The following EPHA7 variants were observed in gnomAD, a reference collection of about 807,000 sequenced individuals.
The protein encoded by EPHA7 is EPH receptor A7.
A neutral mutation model predicts 112.6 loss-of-function variants in EPHA7; 25 were observed. The ratio of observed to expected loss-of-function variants is 0.22; its 90% CI spans 0.16 to 0.31. EPHA7 has a LOEUF of 0.31. Ranked by LOEUF, EPHA7 falls within the 10% of genes least tolerant of loss-of-function variation. EPHA7 has a pLI of 1.00. For missense variants in EPHA7, 962 were observed against 1,212.6 expected, an observed-to-expected ratio of 0.79 and a Z score of 3.07; for synonymous variants, 437 against 406.5, an observed-to-expected ratio of 1.07 and a Z score of -0.90.
intron 5 of EPHA7, among the ~76,000 whole-genome samples, chr6:93,277,400 AAC>A (rs1298389142): frequency 1.3e-5 from 2 of 152,026 alleles, no homozygotes; most frequent in Admixed American, 6.6e-5. Context: ...AAAAATGCTA[AAC>A]ACATAATTTC....
chr6:93,302,704 C>T (rs1773050861), intron 5 of EPHA7, among the ~76,000 whole-genome samples: 1 of 152,086 alleles, frequency 6.6e-6, no homozygotes, highest in African/African-American at 2.4e-5. Context: ...TGACAAGCCT[C>T]AGGCAAGAGA....
At chr6:93,300,456 A>C (rs1392894769) in intron 5 of EPHA7, among the ~76,000 whole-genome samples, 1 of 152,204 alleles carries the variant, frequency 6.6e-6, no homozygotes, top group Admixed American at 6.5e-5. Context: ...ACATGCAGTA[A>C]GATTTAGGAC....
At chr6:93,411,215 A>T (rs757126912) in intron 2 of EPHA7, 45 bp from the exon 3 acceptor site, 5 of 1,534,698 alleles carry the variant, frequency 3.3e-6, no homozygotes, top group African/African-American at 1.4e-5. Flanking sequence ...GCAAAAAATA[A>T]CATTTTGCTT....
intron 5 of EPHA7, among the ~76,000 whole-genome samples, chr6:93,336,649 C>T (rs949985420): frequency 1.3e-5 from 2 of 151,994 alleles, no homozygotes; most frequent in Non-Finnish European, 1.5e-5. Flanking sequence ...GATCTGCCCG[C>T]CTTGGCCTCC....
intron 1 of EPHA7, 135 bp downstream of exon 1, chr6:93,419,110 A>T (rs1357617541): frequency 1.6e-6 from 1 of 609,970 alleles, no homozygotes. Flanking sequence ...CTCAGCGGTG[A>T]GGGGGCGGGG....
At chr6:93,296,594 A>C (rs1168888873) in intron 5 of EPHA7, among the ~76,000 whole-genome samples, 1 of 151,456 alleles carries the variant, frequency 6.6e-6, no homozygotes, top group Non-Finnish European at 1.5e-5. Context: ...AGCCAGGTAC[A>C]TAAAGAAAAA....
intron 5 of EPHA7, among the ~76,000 whole-genome samples, chr6:93,346,458 GTT>G (rs1775410867): frequency 6.6e-6 from 1 of 151,742 alleles, no homozygotes. Flanking sequence ...CAGGTAACTG[GTT>G]TCAGTCAAGG....
intron 14 of EPHA7, among the ~76,000 whole-genome samples, chr6:93,252,779 T>C (rs1306161811): frequency 6.6e-6 from 1 of 151,850 alleles, no homozygotes; most frequent in Non-Finnish European, 1.5e-5. Flanking sequence ...GTGACCAAAT[T>C]TATTAATTAT....
chr6:93,305,923 C>A (rs1773233964), intron 5 of EPHA7, among the ~76,000 whole-genome samples: 1 of 151,774 alleles, frequency 6.6e-6, no homozygotes, highest in Non-Finnish European at 1.5e-5. Flanking sequence ...CAGTACTTAC[C>A]TAGAAACTCC....
At chr6:93,251,579 A>G (rs1264654243) in intron 14 of EPHA7, among the ~76,000 whole-genome samples, 1 of 150,368 alleles carries the variant, frequency 6.7e-6, no homozygotes, top group Non-Finnish European at 1.5e-5. Context: ...CTTATATTAC[A>G]ATACATTAAA....
At chr6:93,290,660 G>T (rs1025631145) in intron 5 of EPHA7, among the ~76,000 whole-genome samples, 2 of 151,858 alleles carry the variant, frequency 1.3e-5, no homozygotes, top group African/African-American at 2.4e-5. Context: ...GATCTCTTTT[G>T]CTTAAACCAT....
At chr6:93,390,678 T>C (rs895157615) in intron 3 of EPHA7, among the ~76,000 whole-genome samples, 7 of 151,852 alleles carry the variant, frequency 4.6e-5, no homozygotes, top group Non-Finnish European at 7.4e-5. Context: ...GTGTTCATTA[T>C]ACTATTCTAT....
intron 5 of EPHA7, among the ~76,000 whole-genome samples, chr6:93,348,407 C>T (rs1470735833): frequency 6.6e-6 from 1 of 151,746 alleles, no homozygotes; most frequent in Non-Finnish European, 1.5e-5. Context: ...AAGAAAGCAT[C>T]TCCAATCCTG....
chr6:93,288,758 T>C (rs907223461), intron 5 of EPHA7, among the ~76,000 whole-genome samples: 4 of 152,202 alleles, frequency 2.6e-5, no homozygotes, highest in Non-Finnish European at 5.9e-5. Flanking sequence ...AGTTGAGATA[T>C]CATTCTGACT....
chr6:93,298,261 T>C (rs1202774584), intron 5 of EPHA7, among the ~76,000 whole-genome samples: 1 of 152,110 alleles, frequency 6.6e-6, no homozygotes, highest in Non-Finnish European at 1.5e-5. Flanking sequence ...CAGTCAGAAA[T>C]ACCTTCACAT....
At chr6:93,351,238 G>T (rs567558091) in intron 5 of EPHA7, among the ~76,000 whole-genome samples, 2 of 152,010 alleles carry the variant, frequency 1.3e-5, no homozygotes, top group Non-Finnish European at 2.9e-5. Flanking sequence ...CAACCTGAGG[G>T]TTCATTACAG....
intron 5 of EPHA7, among the ~76,000 whole-genome samples, chr6:93,273,984 A>G (rs1582428002): frequency 2.0e-5 from 3 of 152,048 alleles, no homozygotes; most frequent in Admixed American, 2.0e-4. Context: ...AAATCATTCC[A>G]AAAAATTTAC....
intron 14 of EPHA7, 125 bp from the exon 15 acceptor site, chr6:93,247,110 C>G: frequency 2.3e-6 from 2 of 851,766 alleles, no homozygotes; most frequent in Non-Finnish European, 3.4e-6. Context: ...AAAAGACTTA[C>G]TTTTTTCCCA....
chr6:93,418,945 G>A (rs1779386905), intron 1 of EPHA7, among the ~76,000 whole-genome samples: 2 of 152,304 alleles, frequency 1.3e-5, no homozygotes, highest in South Asian at 2.1e-4. Flanking sequence ...CTCGCCGGCA[G>A]TTCCTCCAAC....
Sources: allele counts gnomAD v4.1 joint callset (sites outside exome capture counted in the v4.1 genomes callset), GRCh38; gene constraint gnomAD v4.1.1; transcripts MANE v1.5; gene names NCBI Gene and HGNC (gene_info 2026-07-23, HGNC 2026-07-21).